The following SPON1 variants were observed in gnomAD, a reference collection of about 807,000 sequenced individuals.
SPON1 encodes the protein spondin 1, also known as spondin-1.
Under a neutral mutation model 111.7 loss-of-function variants are expected in SPON1, and 52 were observed. The ratio of observed to expected loss-of-function variants is 0.47; its 90% CI spans 0.37 to 0.59. The LOEUF is 0.59. Ranked by LOEUF, SPON1 falls within the 20% of genes least tolerant of loss-of-function variation. The pLI is 0.00. For missense variants in SPON1, 957 were observed against 1,068.5 expected (o/e 0.90, Z 1.46); for synonymous variants, 410 against 395.8 (o/e 1.04, Z -0.43).
intron 1 of SPON1, among the ~76,000 whole-genome samples, chr11:13,971,588 G>A (rs1554908596): frequency 2.0e-5 from 3 of 151,980 alleles, no homozygotes; most frequent in African/African-American, 4.8e-5. Context: ...TGGATTCCAG[G>A]AATCTTATAT....
intron 6 of SPON1, among the ~76,000 whole-genome samples, chr11:14,197,532 G>A (rs181533680): frequency 3.7e-3 from 542 of 146,638 alleles, no homozygotes; most frequent in Admixed American, 6.5e-3. Context: ...AACAAGTGGG[G>A]GCTGCGCATG....
intron 6 of SPON1, among the ~76,000 whole-genome samples, chr11:14,193,289 G>A (rs1848367250): frequency 6.6e-6 from 1 of 152,164 alleles, no homozygotes; most frequent in South Asian, 2.1e-4. Context: ...AGGAAGGCCT[G>A]GGAGATGATC....
At chr11:14,163,549 C>T (rs569372648) in intron 6 of SPON1, among the ~76,000 whole-genome samples, 2 of 152,074 alleles carry the variant, frequency 1.3e-5, no homozygotes, top group Non-Finnish European at 1.5e-5. Flanking sequence ...ATTCTCCCCC[C>T]ATACCTGGCA....
chr11:14,123,632 T>C (rs1396448208), intron 5 of SPON1, among the ~76,000 whole-genome samples: 1 of 152,204 alleles, frequency 6.6e-6, no homozygotes, highest in Non-Finnish European at 1.5e-5. Context: ...TAGTGTTTGG[T>C]CAAAGATTTA....
chr11:13,976,954 C>T (rs1488796675), intron 1 of SPON1, among the ~76,000 whole-genome samples: 1 of 152,096 alleles, frequency 6.6e-6, no homozygotes, highest in Middle Eastern at 3.2e-3. Context: ...GTAATCATAC[C>T]ATTTGTATTC....
At chr11:14,096,329 C>T (rs1253870497) in intron 5 of SPON1, among the ~76,000 whole-genome samples, 1 of 152,196 alleles carries the variant, frequency 6.6e-6, no homozygotes, top group Non-Finnish European at 1.5e-5. Flanking sequence ...CAGACTCAGT[C>T]CCAGAGGATT....
chr11:14,180,251 A>G (rs1342009732), intron 6 of SPON1, among the ~76,000 whole-genome samples: 1 of 152,216 alleles, frequency 6.6e-6, no homozygotes, highest in East Asian at 1.9e-4. Flanking sequence ...ACAGTTTCTC[A>G]AAGATTCCAA....
intron 5 of SPON1, among the ~76,000 whole-genome samples, chr11:14,123,449 T>C (rs2133854888): frequency 1.3e-5 from 2 of 152,292 alleles, no homozygotes; most frequent in South Asian, 4.2e-4. Context: ...ATTGTAGCCT[T>C]TCTAGGGTTT....
intron 6 of SPON1, among the ~76,000 whole-genome samples, chr11:14,217,631 A>G (rs1359639286): frequency 6.6e-6 from 1 of 150,628 alleles, no homozygotes; most frequent in Non-Finnish European, 1.5e-5. Context: ...GTATGTCAGA[A>G]AAAACATGGA....
chr11:14,015,691 C>G (rs781437248), intron 2 of SPON1, among the ~76,000 whole-genome samples: 4 of 152,164 alleles, frequency 2.6e-5, no homozygotes, highest in Non-Finnish European at 5.9e-5. Flanking sequence ...AACTCAGTAA[C>G]AAAGCTTTTG....
intron 5 of SPON1, among the ~76,000 whole-genome samples, chr11:14,088,879 G>C (rs1849028248): frequency 6.6e-6 from 1 of 151,676 alleles, no homozygotes; most frequent in Admixed American, 6.6e-5. Flanking sequence ...ATTTTGGTAA[G>C]TTGATCTTCA....
chr11:14,144,970 A>T (rs1847701840), intron 6 of SPON1, among the ~76,000 whole-genome samples: 1 of 152,026 alleles, frequency 6.6e-6, no homozygotes, highest in Admixed American at 6.6e-5. Context: ...CCCCTACCTC[A>T]TTCAAGGCTT....
intron 6 of SPON1, among the ~76,000 whole-genome samples, chr11:14,216,474 T>C (rs1379918607): frequency 1.3e-5 from 2 of 152,324 alleles, no homozygotes; most frequent in East Asian, 3.9e-4. Context: ...AGGGTACTCC[T>C]TAGAAATAGC....
At chr11:14,019,207 C>T (rs1848463904) in intron 2 of SPON1, among the ~76,000 whole-genome samples, 1 of 152,150 alleles carries the variant, frequency 6.6e-6, no homozygotes, top group Non-Finnish European at 1.5e-5. Flanking sequence ...AATCCTAGCT[C>T]AGCCACTTAG....
chr11:14,250,131 T>G (rs1849036781), intron 7 of SPON1, among the ~76,000 whole-genome samples: 2 of 152,238 alleles, frequency 1.3e-5, no homozygotes, highest in African/African-American at 4.8e-5. Context: ...ATATAGATAT[T>G]AACACTTTGT....
At chr11:14,204,052 C>T (rs368858857) in intron 6 of SPON1, among the ~76,000 whole-genome samples, 2 of 152,192 alleles carry the variant, frequency 1.3e-5, no homozygotes, top group African/African-American at 4.8e-5. Flanking sequence ...TAATGGCAAT[C>T]TTCTAAATCT....
rs77811488 is a variant in SPON1, at chr11:14,174,564, G to A, written c.825+38996G>A. Among the ~76,000 whole-genome samples, 1,213 of 151,282 alleles carry A rather than the reference G, an allele frequency of 8.0e-3. 18 individuals carry two copies. Among genetic ancestry groups the A allele is most frequent in the African/African-American group, 0.028 (1,169 of 41,260 alleles). On this transcript the variant is annotated intron_variant, in intron 6 of 15. Transcript: ENST00000576479. ...GAGGGGTTTTTTTTTTCCCCAAAATGGGGCCTGTGGCACCTCCTCTGTTTT... is the reference window on the plus strand; with the variant it reads ...GAGGGGTTTTTTTTTTCCCCAAAATAGGGCCTGTGGCACCTCCTCTGTTTT...
intron 2 of SPON1, among the ~76,000 whole-genome samples, chr11:13,998,168 T>C (rs1360163105): frequency 1.3e-5 from 2 of 152,152 alleles, no homozygotes; most frequent in East Asian, 3.9e-4. Context: ...GGCACTCTTA[T>C]TATTATTCCC....
chr11:14,230,534 G>A (rs1848787085), intron 6 of SPON1, among the ~76,000 whole-genome samples: 2 of 152,120 alleles, frequency 1.3e-5, no homozygotes, highest in Non-Finnish European at 2.9e-5. Flanking sequence ...GCTATCTTAT[G>A]AATTCTACCC....
Sources: gnomAD v4.1 joint callset for allele counts (sites outside exome capture counted in the v4.1 genomes callset) on GRCh38, gnomAD v4.1.1 for gene constraint, MANE v1.5 for transcripts, NCBI Gene and HGNC (gene_info 2026-07-23, HGNC 2026-07-21) for gene names.